Variants in GLIS1 observed in about 807,000 individuals in gnomAD.
GLIS1 encodes the protein zinc finger protein GLIS1.
Under a neutral mutation model 63.8 loss-of-function variants are expected in GLIS1, and 24 were observed. The observed-to-expected ratio is 0.38, with a 90% CI of 0.27 to 0.53. The LOEUF is 0.53. Ranked by LOEUF, GLIS1 falls within the 20% of genes least tolerant of loss-of-function variation. The pLI, the probability that GLIS1 is intolerant of heterozygous loss-of-function variation, is 0.85. For synonymous variants in GLIS1, 450 were observed against 482.5 expected (o/e 0.93, Z 0.88); for missense variants, 1,036 against 1,074.1 (o/e 0.96, Z 0.50).
chr1:53,592,506 C>T (rs1027581005), intron 4 of GLIS1, among the ~76,000 whole-genome samples: 13 of 152,150 alleles, frequency 8.5e-5, no homozygotes, highest in Non-Finnish European at 1.3e-4. Flanking sequence ...TCCAGGGTCT[C>T]GGGGAGATAT....
chr1:53,572,030 A>T (rs1644989747), intron 4 of GLIS1, among the ~76,000 whole-genome samples: 1 of 152,250 alleles, frequency 6.6e-6, no homozygotes, highest in South Asian at 2.1e-4. Flanking sequence ...AAAGCAGCGA[A>T]CACTAAACAG....
At chr1:53,738,536 T>C (rs1382818792) in intron 1 of GLIS1, among the ~76,000 whole-genome samples, 1 of 151,536 alleles carries the variant, frequency 6.6e-6, no homozygotes, top group Non-Finnish European at 1.5e-5. Context: ...TCCGGGTAGG[T>C]CACGGGCTGC....
At chr1:53,585,369 G>A (rs575070823) in intron 4 of GLIS1, among the ~76,000 whole-genome samples, 6 of 152,210 alleles carry the variant, frequency 3.9e-5, no homozygotes, top group East Asian at 1.9e-4. Flanking sequence ...GAGATGCCAC[G>A]TGACTTGTCT....
chr1:53,663,273 G>A (rs991554964), intron 2 of GLIS1, among the ~76,000 whole-genome samples: 4 of 152,200 alleles, frequency 2.6e-5, no homozygotes, highest in African/African-American at 4.8e-5. Context: ...TCTAAATTCC[G>A]GTACAGGGCT....
chr1:53,676,615 C>T (rs544817173), intron 2 of GLIS1, among the ~76,000 whole-genome samples: 1 of 152,168 alleles, frequency 6.6e-6, no homozygotes, highest in African/African-American at 2.4e-5. Context: ...CACGCACCCC[C>T]AGCCCCAGCC....
chr1:53,619,045 CCT>C (rs1197751128), intron 2 of GLIS1, among the ~76,000 whole-genome samples: 1 of 152,238 alleles, frequency 6.6e-6, no homozygotes, highest in Admixed American at 6.5e-5. Context: ...CTGTGAATCC[CCT>C]GTCAAAAGGC....
intron 2 of GLIS1, among the ~76,000 whole-genome samples, chr1:53,665,799 A>T (rs1373563863): frequency 6.6e-6 from 1 of 152,162 alleles, no homozygotes; most frequent in African/African-American, 2.4e-5. Context: ...TTAAGGAGGG[A>T]GTGAGTGTCT....
At chr1:53,595,839 G>A (rs1203203537) in intron 3 of GLIS1, among the ~76,000 whole-genome samples, 2 of 152,228 alleles carry the variant, frequency 1.3e-5, no homozygotes, top group Non-Finnish European at 2.9e-5. Context: ...TGCAGTCCTG[G>A]TGGGGGTGTC....
chr1:53,628,145 TGTGCCTTGC>T (rs1217293707), intron 2 of GLIS1, among the ~76,000 whole-genome samples: 3 of 24,596 alleles, frequency 1.2e-4, no homozygotes, highest in Non-Finnish European at 6.6e-4. Context: ...GTGCCCTTGC[TGTGCCTTGC>T]TGTGCCTTGC....
chr1:53,571,565 C>A (rs1557456705), intron 4 of GLIS1, among the ~76,000 whole-genome samples: 1 of 151,466 alleles, frequency 6.6e-6, no homozygotes, highest in Admixed American at 6.6e-5. Context: ...TAGCTGCACA[C>A]AATAATATGG....
At chr1:53,734,948 T>G (rs1201616275) in intron 2 of GLIS1, among the ~76,000 whole-genome samples, 1 of 152,222 alleles carries the variant, frequency 6.6e-6, no homozygotes, top group Non-Finnish European at 1.5e-5. Context: ...TGATTCTTAT[T>G]GTAAATGATG....
intron 2 of GLIS1, among the ~76,000 whole-genome samples, chr1:53,610,013 G>A (rs60926228): frequency 0.036 from 5,481 of 152,250 alleles, 257 homozygotes; most frequent in African/African-American, 0.1. Context: ...AACCACCATT[G>A]TATATGTAGT....
chr1:53,719,821 C>T (rs183707692), intron 2 of GLIS1, among the ~76,000 whole-genome samples: 1 of 152,292 alleles, frequency 6.6e-6, no homozygotes, highest in Non-Finnish European at 1.5e-5. Flanking sequence ...TAGAGCTACC[C>T]TATGATCCAG....
intron 4 of GLIS1, among the ~76,000 whole-genome samples, chr1:53,579,387 G>A (rs959773092): frequency 9.2e-5 from 14 of 152,230 alleles, no homozygotes; most frequent in African/African-American, 2.4e-4. Flanking sequence ...GCCTTGCCAG[G>A]TGAATCTAAT....
At position 53,509,996 on chromosome 1, in the gene GLIS1, T is replaced by A; in HGVS notation, c.1915A>T (p.Ser639Cys). The A allele has an allele frequency of 7.8e-7, 1 of 1,282,406 alleles. No individual in the cohort carries two copies. Among genetic ancestry groups the A allele is most frequent in the African/African-American group, 1.5e-5 (1 of 66,018 alleles). 79.4% of individuals were successfully genotyped at this position (1,282,406 alleles called of 1,614,324 possible). A position where few individuals can be genotyped will look rare whatever the true frequency, so the allele number is the denominator to read the frequency against. The change falls in exon 9 of 11, where the codon AGC becomes TGC. Residue 639 changes from serine (S) to cysteine (C), a missense_variant. Coordinates refer to ENST00000628545, the MANE Select transcript of GLIS1 (RefSeq NM_001367484.1). ...LGPGLLSPIV[S>C]PLKGLGPPPL... Reference sequence around the variant, plus strand: ...GGTGGCCCCAGCCCCTTCAGGGGGCTGACTATTGGTGAGAGGAGGCCGGGC... The same window carrying A: ...GGTGGCCCCAGCCCCTTCAGGGGGCAGACTATTGGTGAGAGGAGGCCGGGC...
Position 53,597,265 on chromosome 1 carries a change from C to T in GLIS1, c.438-2275G>A, listed in dbSNP as rs559414040. ...GCGGGCGCCTGTAGTCCCAGCTACT[C>T]GGGAGCCTGAGGCAGGAGAATGGCG... On this transcript the variant is annotated intron_variant, in intron 3 of 10. Coordinates refer to ENST00000628545, the MANE Select transcript of GLIS1 (RefSeq NM_001367484.1). 2.9e-5 allele frequency among the ~76,000 whole-genome samples: 4 copies of T among 139,506 alleles called. No individual in the cohort carries two copies. In the East Asian group the frequency reaches 8.7e-4, roughly 30 times the overall value. 91.5% of individuals were successfully genotyped at this position (139,506 alleles called of 152,430 possible). A position where few individuals can be genotyped will look rare whatever the true frequency, so the allele number is the denominator to read the frequency against.
At chr1:53,653,532 T>G (rs1033358802) in intron 2 of GLIS1, among the ~76,000 whole-genome samples, 1 of 152,170 alleles carries the variant, frequency 6.6e-6, no homozygotes, top group Non-Finnish European at 1.5e-5. Flanking sequence ...CTCTAGCTCA[T>G]TCTGTTTTTC....
At chr1:53,626,705 G>A (rs1645597858) in intron 2 of GLIS1, among the ~76,000 whole-genome samples, 2 of 152,212 alleles carry the variant, frequency 1.3e-5, no homozygotes, top group African/African-American at 4.8e-5. Flanking sequence ...CATGAATCCT[G>A]TGAGGCCCAG....
At position 53,512,386 on chromosome 1, in the gene GLIS1, C is replaced by T. The variant is rs189148021; in HGVS notation, c.1883+2239G>A. Among the ~76,000 whole-genome samples the T allele has an allele frequency of 1.9e-4, 29 of 152,296 alleles. No homozygotes were observed. The South Asian group carries it at 2.7e-3, about 14-fold the overall frequency. ...AGGCTGGGAAAAAAAATACCCTATT[C>T]GGCGTCTTCTCTGAGCCAGGGTAAA... is the stretch of plus-strand genomic sequence containing the variant. On this transcript the variant is annotated intron_variant, in intron 8 of 10. Coordinates refer to ENST00000628545, the MANE Select transcript of GLIS1 (RefSeq NM_001367484.1).
Sources: gnomAD v4.1 joint callset for allele counts (sites outside exome capture counted in the v4.1 genomes callset) on GRCh38, gnomAD v4.1.1 for gene constraint, MANE v1.5 for transcripts, NCBI Gene and HGNC (gene_info 2026-07-23, HGNC 2026-07-21) for gene names.